Variants in TENM2 observed in about 807,000 individuals in gnomAD.
TENM2 encodes teneurin transmembrane protein 2.
Under a neutral mutation model 245.2 loss-of-function variants are expected in TENM2, and 52 were observed. The observed-to-expected ratio is 0.21, with a 90% confidence interval of 0.17 to 0.27. The LOEUF is 0.27. Ranked by LOEUF, TENM2 falls within the 10% of genes least tolerant of loss-of-function variation. TENM2 has a pLI of 1.00. For synonymous variants in TENM2, 1,363 were observed against 1,438.9 expected (o/e 0.95, Z 1.19); for missense variants, 3,046 against 3,666.8 (o/e 0.83, Z 4.37).
chr5:167,474,693 T>G (rs943616999), intron 2 of TENM2, among the ~76,000 whole-genome samples: 2 of 152,084 alleles, frequency 1.3e-5, no homozygotes, highest in African/African-American at 4.8e-5. Context: ...TTTTGTATTT[T>G]TTAGTAGAGA....
intron 3 of TENM2, among the ~76,000 whole-genome samples, chr5:167,934,684 G>A (rs1423749874): frequency 1.3e-5 from 2 of 152,168 alleles, no homozygotes; most frequent in African/African-American, 4.8e-5. Context: ...TCCCTGGGAG[G>A]GAAGACAAAG....
At chr5:167,640,602 A>T (rs1289329675) in intron 2 of TENM2, among the ~76,000 whole-genome samples, 1 of 148,106 alleles carries the variant, frequency 6.8e-6, no homozygotes, top group Non-Finnish European at 1.5e-5. Flanking sequence ...TGGGTAAACG[A>T]GAGCGAAACT....
intron 2 of TENM2, among the ~76,000 whole-genome samples, chr5:167,874,241 G>C (rs952528512): frequency 3.9e-5 from 6 of 152,092 alleles, no homozygotes; most frequent in Admixed American, 3.3e-4. Context: ...TTACCTGTCT[G>C]TCTCCCACTA....
At chr5:167,676,992 G>A (rs1756373781) in intron 2 of TENM2, among the ~76,000 whole-genome samples, 1 of 152,092 alleles carries the variant, frequency 6.6e-6, no homozygotes, top group Non-Finnish European at 1.5e-5. Context: ...CTAAATGTAT[G>A]CATGTTGGAC....
intron 13 of TENM2, among the ~76,000 whole-genome samples, chr5:168,175,292 A>T (rs1304207490): frequency 6.6e-6 from 1 of 152,214 alleles, no homozygotes; most frequent in Non-Finnish European, 1.5e-5. Flanking sequence ...TTCTAAAAAC[A>T]TACACTGCCT....
At chr5:167,932,244 C>G (rs549287341) in intron 3 of TENM2, among the ~76,000 whole-genome samples, 2 of 152,050 alleles carry the variant, frequency 1.3e-5, no homozygotes, top group Admixed American at 6.5e-5. Context: ...ATGGGACCTG[C>G]GAAAGGAAAG....
At chr5:167,823,326 T>G (rs1401514071) in intron 2 of TENM2, among the ~76,000 whole-genome samples, 9 of 152,118 alleles carry the variant, frequency 5.9e-5, no homozygotes, top group Admixed American at 5.9e-4. Context: ...TAATTACCGA[T>G]CCATAAAGCA....
At chr5:167,112,341 A>G in the TENM2 span, among the ~76,000 whole-genome samples, 1 of 152,234 alleles carries the variant, frequency 6.6e-6, no homozygotes, top group Non-Finnish European at 1.5e-5. Context: ...GAAGATGTGC[A>G]AATTTTCAGC....
At chr5:168,041,618 C>T (rs1241043203) in intron 5 of TENM2, among the ~76,000 whole-genome samples, 2 of 152,180 alleles carry the variant, frequency 1.3e-5, no homozygotes, top group Admixed American at 1.3e-4. Context: ...CCTGCGAGTG[C>T]CTCTGAACCC....
At chr5:167,643,409 T>C (rs279399) in intron 2 of TENM2, among the ~76,000 whole-genome samples, 37,284 of 152,102 alleles carry the variant, frequency 0.25, 6,414 homozygotes, top group African/African-American at 0.47. Flanking sequence ...TTTCACTTGG[T>C]GTAATCTTTT....
chr5:167,671,836 C>T (rs1755966140), intron 2 of TENM2, among the ~76,000 whole-genome samples: 1 of 151,404 alleles, frequency 6.6e-6, no homozygotes, highest in Non-Finnish European at 1.5e-5. Context: ...CAATTATACA[C>T]AATTCCTGAA....
chr5:167,376,577 C>A (rs923352877), intron 2 of TENM2, among the ~76,000 whole-genome samples: 3 of 152,128 alleles, frequency 2.0e-5, no homozygotes, highest in Non-Finnish European at 2.9e-5. Context: ...CGCACATACT[C>A]AAAAAGATGT....
rs548460243 is a variant in TENM2, at chr5:167,496,329, G to A, written c.502+120856G>A. Among the ~76,000 whole-genome samples, 38 of 152,144 alleles carry A rather than the reference G, an allele frequency of 2.5e-4. 1 individual carries two copies. In the South Asian group the frequency reaches 5.8e-3, roughly 23 times the overall value. On this transcript the variant is annotated intron_variant, in intron 2 of 28. Coordinates refer to ENST00000518659, the Ensembl canonical transcript of TENM2. ...TTGCATTACTTCTTTCAACTCTGAT[G>A]TTTACTTCGATTTTTAAAATGACAC...
intron 13 of TENM2, among the ~76,000 whole-genome samples, chr5:168,176,030 G>C (rs1210266752): frequency 6.6e-6 from 1 of 152,132 alleles, no homozygotes; most frequent in Non-Finnish European, 1.5e-5. Context: ...ACAGATTTTG[G>C]GATGCCCCCT....
At chr5:168,023,742 A>G (rs1286814213) in intron 5 of TENM2, among the ~76,000 whole-genome samples, 1 of 152,190 alleles carries the variant, frequency 6.6e-6, no homozygotes, top group Non-Finnish European at 1.5e-5. Flanking sequence ...CCTTGAGCAC[A>G]CACTACTGCA....
chr5:166,992,482 T>C, the TENM2 span, among the ~76,000 whole-genome samples: 10 of 152,214 alleles, frequency 6.6e-5, no homozygotes, highest in Non-Finnish European at 1.3e-4. Context: ...GTTTAAATCA[T>C]TTTTACTTTC....
the TENM2 span, among the ~76,000 whole-genome samples, chr5:167,025,406 A>G: frequency 2.0e-5 from 3 of 152,208 alleles, no homozygotes; most frequent in Non-Finnish European, 2.9e-5. Context: ...ATTTCCATAT[A>G]CAAGTTGTTC....
chr5:168,064,789 G>A (rs1790351303), intron 7 of TENM2, among the ~76,000 whole-genome samples: 1 of 152,090 alleles, frequency 6.6e-6, no homozygotes, highest in South Asian at 2.1e-4. Flanking sequence ...TGTGTTGAGG[G>A]GTCAAGTAAG....
chr5:168,203,820 A>C (rs773359927), exon 18 of TENM2: 3 of 1,611,394 alleles, frequency 1.9e-6, no homozygotes, highest in Non-Finnish European at 2.5e-6. Flanking sequence ...CCACATCCTC[A>C]ATGTTAAAAG....
Sources: gnomAD v4.1 joint callset for allele counts (sites outside exome capture counted in the v4.1 genomes callset) on GRCh38, gnomAD v4.1.1 for gene constraint, MANE v1.5 for transcripts, NCBI Gene and HGNC (gene_info 2026-07-23, HGNC 2026-07-21) for gene names.